Variants in EYS observed in about 807,000 individuals in gnomAD.
EYS encodes the protein protein eyes shut homolog.
A neutral mutation model predicts 282.1 loss-of-function variants in EYS; 250 were observed. The ratio of observed to expected loss-of-function variants is 0.89; its 90% CI spans 0.80 to 0.98. The LOEUF (loss-of-function observed/expected upper bound fraction) is 0.98. EYS is among the 50% of genes least tolerant of loss of function. EYS has a pLI of 0.00. For missense variants in EYS, 4,016 were observed against 3,709.0 expected (o/e 1.08, Z -2.15); for synonymous variants, 1,355 against 1,282.9 (o/e 1.06, Z -1.20).
chr6:64,372,906 T>C (rs1365712244), intron 29 of EYS, among the ~76,000 whole-genome samples: 1 of 152,216 alleles, frequency 6.6e-6, no homozygotes, highest in Non-Finnish European at 1.5e-5. Flanking sequence ...GTGTTTTTCT[T>C]CTCCATAAAA....
At chr6:65,664,637 G>A (rs1305888617) in intron 1 of EYS, among the ~76,000 whole-genome samples, 2 of 152,016 alleles carry the variant, frequency 1.3e-5, no homozygotes, top group Non-Finnish European at 2.9e-5. Context: ...AGGATTCTCT[G>A]GGTTCAATAT....
At chr6:65,596,554 C>A (rs1765408985) in intron 2 of EYS, among the ~76,000 whole-genome samples, 1 of 151,926 alleles carries the variant, frequency 6.6e-6, no homozygotes. Context: ...CAGGAGCAGG[C>A]ACTATGAATT....
intron 1 of EYS, among the ~76,000 whole-genome samples, chr6:65,674,861 T>G (rs1048112557): frequency 1.3e-5 from 2 of 152,022 alleles, no homozygotes; most frequent in Non-Finnish European, 2.9e-5. Flanking sequence ...TGGTAGCATA[T>G]GAATCACTTT....
chr6:64,693,923 A>T (rs1179942751), intron 22 of EYS, among the ~76,000 whole-genome samples: 1 of 152,184 alleles, frequency 6.6e-6, no homozygotes, highest in Admixed American at 6.5e-5. Context: ...ATTTATACAT[A>T]AGTGATGAAA....
chr6:64,731,451 C>T (rs953387691), intron 22 of EYS, among the ~76,000 whole-genome samples: 3 of 152,156 alleles, frequency 2.0e-5, no homozygotes, highest in Non-Finnish European at 4.4e-5. Context: ...CTACAAGGAA[C>T]TTAAACAAAT....
intron 37 of EYS, among the ~76,000 whole-genome samples, chr6:63,803,662 A>G (rs1416316570): frequency 1.3e-5 from 2 of 152,158 alleles, no homozygotes; most frequent in African/African-American, 4.8e-5. Context: ...TCTGTTGTGG[A>G]CTTATATCTC....
intron 29 of EYS, among the ~76,000 whole-genome samples, chr6:64,342,589 C>A (rs940570564): frequency 6.6e-6 from 1 of 151,854 alleles, no homozygotes; most frequent in Middle Eastern, 3.2e-3. Flanking sequence ...AAGGAACAAC[C>A]GGTACCAGCC....
chr6:63,742,954 C>T (rs746903110), intron 41 of EYS, among the ~76,000 whole-genome samples: 3 of 151,826 alleles, frequency 2.0e-5, no homozygotes, highest in Non-Finnish European at 2.9e-5. Flanking sequence ...TTTGTGTGGA[C>T]GTAAGTTTTC....
intron 22 of EYS, among the ~76,000 whole-genome samples, chr6:64,647,511 T>G (rs550072341): frequency 6.6e-6 from 1 of 152,302 alleles, no homozygotes; most frequent in African/African-American, 2.4e-5. Context: ...AACAAATAGC[T>G]ATGTACAGAT....
intron 12 of EYS, among the ~76,000 whole-genome samples, chr6:65,200,476 G>C (rs894365708): frequency 6.6e-6 from 1 of 151,484 alleles, no homozygotes; most frequent in African/African-American, 2.4e-5. Flanking sequence ...CTGAGGGGTG[G>C]GGGCTTTCCA....
chr6:63,848,073 G>C (rs912126230), intron 36 of EYS, among the ~76,000 whole-genome samples: 1 of 152,018 alleles, frequency 6.6e-6, no homozygotes, highest in East Asian at 1.9e-4. Context: ...GCTTGGTTTA[G>C]GCTGAAATGA....
intron 29 of EYS, among the ~76,000 whole-genome samples, chr6:64,316,435 C>A (rs992874252): frequency 4.6e-5 from 7 of 151,450 alleles, no homozygotes; most frequent in Non-Finnish European, 8.9e-5. Context: ...AGACAAATAG[C>A]CAAATCATGA....
At chr6:64,496,943 C>T (rs891414635) in intron 26 of EYS, among the ~76,000 whole-genome samples, 4 of 151,774 alleles carry the variant, frequency 2.6e-5, no homozygotes, top group Non-Finnish European at 5.9e-5. Context: ...AGGATTTATG[C>T]CATAGTATAA....
chr6:64,661,032 A>G (rs368422857), intron 22 of EYS, among the ~76,000 whole-genome samples: 1 of 152,322 alleles, frequency 6.6e-6, no homozygotes, highest in African/African-American at 2.4e-5. Context: ...CTGGTACCAA[A>G]ACAGAGATAT....
intron 12 of EYS, among the ~76,000 whole-genome samples, chr6:65,214,015 T>A (rs1315131414): frequency 1.3e-5 from 2 of 151,378 alleles, no homozygotes; most frequent in African/African-American, 4.9e-5. Flanking sequence ...AAAAATTAGC[T>A]GGGCATGGTG....
intron 31 of EYS, among the ~76,000 whole-genome samples, chr6:64,209,445 C>T (rs980740829): frequency 3.3e-5 from 5 of 152,144 alleles, no homozygotes; most frequent in Non-Finnish European, 5.9e-5. Flanking sequence ...AACATGGACT[C>T]AGTTTCTCAT....
intron 12 of EYS, among the ~76,000 whole-genome samples, chr6:65,187,138 T>G (rs986576479): frequency 1.3e-5 from 2 of 151,784 alleles, no homozygotes; most frequent in African/African-American, 4.8e-5. Flanking sequence ...TAGTTTAAAT[T>G]GTACCAAATT....
At chr6:65,210,859 A>G (rs1469622264) in intron 12 of EYS, among the ~76,000 whole-genome samples, 2 of 151,914 alleles carry the variant, frequency 1.3e-5, no homozygotes, top group Non-Finnish European at 2.9e-5. Flanking sequence ...TCTTGATTAT[A>G]ATGGCCTCTT....
chr6:65,346,130 C>T (rs1207504109), intron 9 of EYS, among the ~76,000 whole-genome samples: 1 of 151,668 alleles, frequency 6.6e-6, no homozygotes, highest in Non-Finnish European at 1.5e-5. Context: ...CTTGAGGGTC[C>T]CCTAGCGAAA....
Sources: allele counts gnomAD v4.1 joint callset (sites outside exome capture counted in the v4.1 genomes callset), GRCh38; gene constraint gnomAD v4.1.1; transcripts MANE v1.5; gene names NCBI Gene and HGNC (gene_info 2026-07-23, HGNC 2026-07-21).